The following CNTNAP5 variants were observed in gnomAD, a reference collection of about 807,000 sequenced individuals.
CNTNAP5 encodes the protein contactin associated protein family member 5.
In CNTNAP5, 72 loss-of-function variants were observed where a neutral mutation model predicts 150.2. The observed-to-expected ratio is 0.48, with a 90% CI of 0.40 to 0.58. The LOEUF (loss-of-function observed/expected upper bound fraction) is 0.58. Ranked by LOEUF, CNTNAP5 falls within the 20% of genes least tolerant of loss-of-function variation. The pLI is 0.00. For missense variants in CNTNAP5, 1,636 were observed against 1,626.2 expected (o/e 1.01, Z -0.10); for synonymous variants, 672 against 619.8 (o/e 1.08, Z -1.25).
chr2:124,137,838 A>G (rs930362025), intron 1 of CNTNAP5, among the ~76,000 whole-genome samples: 1 of 151,954 alleles, frequency 6.6e-6, no homozygotes, highest in African/African-American at 2.4e-5. Context: ...ATGAGCCTAG[A>G]GACTAACATT....
chr2:124,040,981 A>G (rs1263043616), intron 1 of CNTNAP5, among the ~76,000 whole-genome samples: 1 of 152,206 alleles, frequency 6.6e-6, no homozygotes, highest in Admixed American at 6.5e-5. Flanking sequence ...AACAAGGAGT[A>G]TTAGTTTGTC....
At chr2:124,358,570 T>G (rs1690094430) in intron 3 of CNTNAP5, among the ~76,000 whole-genome samples, 1 of 152,156 alleles carries the variant, frequency 6.6e-6, no homozygotes, top group African/African-American at 2.4e-5. Context: ...ATCATGTGGT[T>G]TTTGTCTTTG....
intron 21 of CNTNAP5, among the ~76,000 whole-genome samples, chr2:124,876,386 A>G (rs568682212): frequency 4.0e-5 from 6 of 151,440 alleles, no homozygotes; most frequent in Admixed American, 1.3e-4. Context: ...TGTTCTTACC[A>G]GAGAAAGAGA....
intron 3 of CNTNAP5, among the ~76,000 whole-genome samples, chr2:124,321,465 A>G (rs186564781): frequency 1.1e-4 from 17 of 152,098 alleles, no homozygotes; most frequent in Admixed American, 9.2e-4. Context: ...AAGAAAAAGA[A>G]AAAGAAAAAA....
intron 3 of CNTNAP5, among the ~76,000 whole-genome samples, chr2:124,316,804 C>CAAAAAAAAAAAAAAAAAAAAAAAA (rs56812690): frequency 3.5e-4 from 19 of 54,776 alleles, no homozygotes; most frequent in East Asian, 7.6e-4. Flanking sequence ...GACTCCATCT[C>CAAAAAAAAAAAAAAAAAAAAAAAA]AAAAAAAAAA....
At chr2:124,559,821 A>G (rs977876932) in intron 10 of CNTNAP5, among the ~76,000 whole-genome samples, 24 of 152,194 alleles carry the variant, frequency 1.6e-4, no homozygotes, top group Non-Finnish European at 3.1e-4. Context: ...TTTTATCTCA[A>G]GCGTCTTCTT....
intron 4 of CNTNAP5, among the ~76,000 whole-genome samples, chr2:124,429,101 A>T (rs1342933645): frequency 1.3e-5 from 2 of 152,200 alleles, no homozygotes; most frequent in Non-Finnish European, 2.9e-5. Context: ...TTATGATACT[A>T]CCTCATGAGG....
intron 7 of CNTNAP5, among the ~76,000 whole-genome samples, chr2:124,486,714 AC>A (rs1693888356): frequency 6.6e-6 from 1 of 152,200 alleles, no homozygotes; most frequent in Admixed American, 6.5e-5. Flanking sequence ...GTCCAAAACC[AC>A]AAGTATAGGC....
chr2:124,250,217 G>A (rs1256738457), intron 3 of CNTNAP5, among the ~76,000 whole-genome samples: 7 of 152,116 alleles, frequency 4.6e-5, no homozygotes, highest in Admixed American at 2.0e-4. Context: ...AGGCCTACTG[G>A]GCTCCGCCTG....
At chr2:124,623,926 G>A (rs1212930411) in intron 12 of CNTNAP5, among the ~76,000 whole-genome samples, 2 of 152,220 alleles carry the variant, frequency 1.3e-5, no homozygotes, top group Non-Finnish European at 2.9e-5. Context: ...CTTTTCCAGA[G>A]GACTATTTTA....
At chr2:124,542,218 C>T (rs74828825) in intron 10 of CNTNAP5, among the ~76,000 whole-genome samples, 2,319 of 150,736 alleles carry the variant, frequency 0.015, 52 homozygotes, top group African/African-American at 0.054. Flanking sequence ...TCACCTGTTC[C>T]TCCCTATCTA....
intron 13 of CNTNAP5, among the ~76,000 whole-genome samples, chr2:124,744,488 T>C (rs1283247424): frequency 6.6e-6 from 1 of 152,186 alleles, no homozygotes; most frequent in Non-Finnish European, 1.5e-5. Context: ...ATTTTTATTG[T>C]CATTTCCTAT....
chr2:124,263,006 T>G (rs947041013), intron 3 of CNTNAP5, among the ~76,000 whole-genome samples: 9 of 152,162 alleles, frequency 5.9e-5, no homozygotes, highest in African/African-American at 1.4e-4. Context: ...TACATAGTAT[T>G]CCATGGTGTA....
intron 22 of CNTNAP5, among the ~76,000 whole-genome samples, chr2:124,907,730 G>A (rs1265546762): frequency 2.0e-5 from 3 of 151,182 alleles, no homozygotes; most frequent in Non-Finnish European, 4.4e-5. Context: ...ACTGTGAAGA[G>A]AGAAGTACTA....
intron 13 of CNTNAP5, among the ~76,000 whole-genome samples, chr2:124,696,013 G>C (rs1044290544): frequency 6.6e-6 from 1 of 152,156 alleles, no homozygotes; most frequent in South Asian, 2.1e-4. Flanking sequence ...GGTGGAGTCA[G>C]AATGTCAACC....
intron 2 of CNTNAP5, among the ~76,000 whole-genome samples, chr2:124,232,475 C>G (rs1686648907): frequency 6.6e-6 from 1 of 152,052 alleles, no homozygotes; most frequent in South Asian, 2.1e-4. Context: ...TTTAGGTTTA[C>G]TGAATTCTCC....
chr2:124,824,460 C>A (rs2104672909), intron 19 of CNTNAP5, among the ~76,000 whole-genome samples: 1 of 152,236 alleles, frequency 6.6e-6, no homozygotes, highest in Middle Eastern at 3.4e-3. Flanking sequence ...GATGTTTAAT[C>A]CATCGTGTCC....
At chr2:124,428,514 C>T (rs753091227) in intron 4 of CNTNAP5, among the ~76,000 whole-genome samples, 1 of 152,166 alleles carries the variant, frequency 6.6e-6, no homozygotes, top group Non-Finnish European at 1.5e-5. Flanking sequence ...AACAAAGCCT[C>T]CCACATGTGT....
At chr2:124,161,759 G>A (rs1684685226) in intron 1 of CNTNAP5, among the ~76,000 whole-genome samples, 1 of 152,096 alleles carries the variant, frequency 6.6e-6, no homozygotes, top group Admixed American at 6.6e-5. Context: ...ATTAAGAGAG[G>A]CTAATGGTTT....
Sources: gnomAD v4.1 joint callset for allele counts (sites outside exome capture counted in the v4.1 genomes callset) on GRCh38, gnomAD v4.1.1 for gene constraint, MANE v1.5 for transcripts, NCBI Gene and HGNC (gene_info 2026-07-23, HGNC 2026-07-21) for gene names.